Variants in ACOT4 observed in about 807,000 individuals in gnomAD.
ACOT4 encodes peroxisomal succinyl-coenzyme A thioesterase.
Under a neutral mutation model 17.1 loss-of-function variants are expected in ACOT4, and 18 were observed. That is an observed-to-expected ratio of 1.05 (90% confidence interval 0.73 to 1.56). The LOEUF (loss-of-function observed/expected upper bound fraction) is 1.56, where lower values mean the gene tolerates loss of function less well. ACOT4 is among the 40% of genes most tolerant of loss of function. The pLI is 0.00. For synonymous variants in ACOT4, 234 were observed against 236.6 expected (o/e 0.99, Z 0.10); for missense variants, 574 against 557.2 (o/e 1.03, Z -0.30).
At position 73,592,144 on chromosome 14, in the gene ACOT4, T is replaced by G; in HGVS notation, c.185T>G (p.Leu62Arg). The change falls in exon 1 of 3, where the codon CTG becomes CGG. Residue 62 changes from leucine (L) to arginine (R), a missense_variant. By Grantham distance (102) the Leu-to-Arg change is moderately radical (BLOSUM62 -2). Transcript: ENST00000326303. The part of the protein sequence containing the change: ...YCADARGELD[L>R]ERAPALGGSF... ...GCCGACGCCCGCGGCGAGCTGGACC[T>G]GGAGCGCGCACCCGCGCTGGGCGGC... The G allele has an allele frequency of 6.3e-7, 1 of 1,592,096 alleles. No individual in the cohort carries two copies. The highest frequency in any genetic ancestry group is 1.1e-5 in the South Asian group (1 of 88,198).
rs771558009 is a variant in ACOT4, at chr14:73,592,153, C to T, written c.194C>T (p.Ala65Val). ...DARGELDLER[A>V]PALGGSFAGL... ...CGCGGCGAGCTGGACCTGGAGCGCGCACCCGCGCTGGGCGGCAGCTTCGCG... is the reference window on the plus strand; with the variant it reads ...CGCGGCGAGCTGGACCTGGAGCGCGTACCCGCGCTGGGCGGCAGCTTCGCG... Residue 65 changes from alanine to valine, a missense_variant, in exon 1 of 3, where the codon GCA becomes GTA. Transcript: ENST00000326303. The T allele has an allele frequency of 1.0e-5, 16 of 1,596,188 alleles. No individual in the cohort carries two copies. Among genetic ancestry groups the T allele is most frequent in the Non-Finnish European group, 1.4e-5 (16 of 1,172,596 alleles).
chr14:73,594,538 G>A (rs34229928), intron 2 of ACOT4, among the ~76,000 whole-genome samples: 14,888 of 152,230 alleles, frequency 0.098, 1,035 homozygotes, highest in Admixed American at 0.16. Flanking sequence ...TGTTTGCCAT[G>A]TGTTCAGCCA....
At position 73,592,399 on chromosome 14, in the gene ACOT4, C is replaced by T; in HGVS notation, c.440C>T (p.Thr147Met). 1 of 1,537,096 alleles carries T rather than the reference C, an allele frequency of 6.5e-7. No individual in the cohort carries two copies. The highest frequency in any genetic ancestry group is 8.7e-7 in the Non-Finnish European group (1 of 1,147,362). ...QSVRAGRVRA[T>M]LFLPPGPGPF... ...GTGCGAGCGGGCCGGGTGCGCGCCACGCTCTTCCTGCCGCCAGGTGAGCCA... is the reference window on the plus strand; with the variant it reads ...GTGCGAGCGGGCCGGGTGCGCGCCATGCTCTTCCTGCCGCCAGGTGAGCCA... Residue 147 changes from threonine (T) to methionine (M), a missense_variant, in exon 1 of 3, where the codon ACG becomes ATG. Physicochemically the swap from Thr to Met is moderately conservative, Grantham distance 81 (BLOSUM62 -1). Transcript: ENST00000326303.
Position 73,595,203 on chromosome 14 carries a change from T to G in ACOT4, c.815T>G (p.Ile272Ser). The change falls in exon 3 of 3, where the codon ATT (isoleucine) becomes AGT (serine). Residue 272 changes from isoleucine (I) to serine (S), a missense_variant. Physicochemically the swap from Ile to Ser is moderately radical, Grantham distance 142. Transcript: ENST00000326303. ...GCCATCAACTATAAGCACAGTAGCA[T>G]TCCACCATTGGGCTATGACCTGAGG... The part of the protein sequence containing the change: ...NTAINYKHSS[I>S]PPLGYDLRRI... 1 of 1,614,226 alleles carries G rather than the reference T, an allele frequency of 6.2e-7. No individual in the cohort carries two copies. Among genetic ancestry groups the G allele is most frequent in the Non-Finnish European group, 8.5e-7 (1 of 1,180,040 alleles).
Position 73,592,110 on chromosome 14 carries a change from C to G in ACOT4, c.151C>G (p.Arg51Gly). The stretch of plus-strand genomic sequence containing the variant: ...GGGCGCGCTCTTCCGGGCCCACGCG[C>G]GCTACTGCGCCGACGCCCGCGGCGA... Reference protein sequence around the residue: ...EKGALFRAHARYCADARGELD... With the variant: ...EKGALFRAHAGYCADARGELD... Residue 51 changes from arginine (R) to glycine (G), a missense_variant, in exon 1 of 3, where the codon CGC becomes GGC. By Grantham distance (125) the Arg-to-Gly change is moderately radical (BLOSUM62 -2). Coordinates refer to ENST00000326303, the MANE Select transcript of ACOT4 (RefSeq NM_152331.4). The G allele has an allele frequency of 6.6e-7, 1 of 1,509,992 alleles. No individual in the cohort carries two copies. Among genetic ancestry groups the G allele is most frequent in the East Asian group, 2.6e-5 (1 of 37,774 alleles). 93.5% of individuals were successfully genotyped at this position (1,509,992 alleles called of 1,614,324 possible). A position where few individuals can be genotyped will look rare whatever the true frequency, so the allele number is the denominator to read the frequency against.
At position 73,595,186 on chromosome 14, in the gene ACOT4, C is replaced by T. The variant is rs773954573; in HGVS notation, c.798C>T (p.Asn266=). 25 of 1,614,214 alleles carry T rather than the reference C, an allele frequency of 1.5e-5. No homozygotes were observed. The South Asian group carries it at 2.5e-4, about 16-fold the overall frequency. The change falls in exon 3 of 3, where the codon AAC becomes AAT. Residue 266 remains asparagine (N), a synonymous_variant. Transcript: ENST00000326303. ...GSGISGNTAI[N]YKHSSIPPLG... is the part of the protein sequence containing the mutation. Reference sequence around the variant, plus strand: ...GGATCAGTGGGAACACAGCCATCAACTATAAGCACAGTAGCATTCCACCAT... The same window carrying T: ...GGATCAGTGGGAACACAGCCATCAATTATAAGCACAGTAGCATTCCACCAT...
chr14:73,594,964 C>A, intron 2 of ACOT4, 85 bp from the exon 3 acceptor site: 3 of 1,519,508 alleles, frequency 2.0e-6, no homozygotes, highest in Non-Finnish European at 2.7e-6. Context: ...CTCCGCCTCG[C>A]AGAGTGTTGG....
Position 73,593,777 on chromosome 14 carries a change from T to C in ACOT4, c.533T>C (p.Leu178Pro), listed in dbSNP as rs1185471692. 3.1e-6 allele frequency: 5 copies of C among 1,614,080 alleles called. No homozygotes were observed. The South Asian group carries it at 3.3e-5, about 11-fold the overall frequency. The change falls in exon 2 of 3, where the codon CTT (leucine) becomes CCT (proline). Residue 178 changes from leucine (L) to proline (P), a missense_variant. Leu to Pro is a moderately conservative substitution (Grantham distance 98, BLOSUM62 -3). Coordinates refer to ENST00000326303, the MANE Select transcript of ACOT4 (RefSeq NM_152331.4). ...CTCTTGGAATATCGAGCCAGCCTCC[T>C]TGCTGGCCATGGCTTTGCCACGTTG... Reference protein sequence around the residue: ...GGLLEYRASLLAGHGFATLAL... With the variant: ...GGLLEYRASLPAGHGFATLAL...
chr14:73,595,698 T>G lies in ACOT4; in HGVS notation c.*44T>G. On this transcript the variant is annotated 3_prime_UTR_variant, in exon 3 of 3. Coordinates refer to ENST00000326303, the MANE Select transcript of ACOT4 (RefSeq NM_152331.4). Reference sequence around the variant, plus strand: ...ACATGAGAGATTCAAGATCAGATTCTAGTGTTCAGTAACCCTATGTGAATC... The same window carrying G: ...ACATGAGAGATTCAAGATCAGATTCGAGTGTTCAGTAACCCTATGTGAATC... 6.6e-7 allele frequency: 1 copy of G among 1,504,500 alleles called. No homozygotes were observed. Among genetic ancestry groups the G allele is most frequent in the Non-Finnish European group, 8.9e-7 (1 of 1,126,596 alleles). 93.2% of individuals were successfully genotyped at this position (1,504,500 alleles called of 1,614,324 possible).
rs764212367 is a variant in ACOT4, at chr14:73,592,185, G to C, written c.226G>C (p.Glu76Gln). ...GCTGGGCGGCAGCTTCGCGGGACTC[G>C]AGCCCATGGGGCTGCTCTGGGCCCT... ...PALGGSFAGL[E>Q]PMGLLWALEP... is the part of the protein sequence containing the mutation. The change falls in exon 1 of 3, where the codon GAG becomes CAG. Residue 76 changes from glutamate (E) to glutamine (Q), a missense_variant. Coordinates refer to ENST00000326303, the MANE Select transcript of ACOT4 (RefSeq NM_152331.4). 34 of 1,607,884 alleles carry C rather than the reference G, an allele frequency of 2.1e-5. 2 individuals carry two copies. The highest frequency in any genetic ancestry group is 1.8e-4 in the African/African-American group (13 of 74,188).
Position 73,593,826 on chromosome 14 carries a change from A to C in ACOT4, c.582A>C (p.Glu194Asp), listed in dbSNP as rs1356791589. The C allele has an allele frequency of 6.2e-7, 1 of 1,614,128 alleles. No homozygotes were observed. The highest frequency in any genetic ancestry group is 8.5e-7 in the Non-Finnish European group (1 of 1,179,984). ...ATLALAYYNF[E>D]DLPNNMDNIS... ...TGGCTCTAGCTTATTATAACTTTGAAGATCTCCCCAATAACATGGACAACA... is the reference window on the plus strand; with the variant it reads ...TGGCTCTAGCTTATTATAACTTTGACGATCTCCCCAATAACATGGACAACA... The change falls in exon 2 of 3, where the codon GAA (glutamate) becomes GAC (aspartate). Residue 194 changes from glutamate to aspartate, a missense_variant. Physicochemically the swap from Glu to Asp is conservative, Grantham distance 45 (BLOSUM62 2). Transcript: ENST00000326303.
In ACOT4 at chr14:73,593,715, C is replaced by G. The variant is rs747178069; in HGVS notation, c.471C>G (p.Phe157Leu). Residue 157 changes from phenylalanine (F) to leucine (L), a missense_variant, in exon 2 of 3, where the codon TTC becomes TTG. Transcript: ENST00000326303. ...TTTGTTCTCTAGGACCTGGACCCTT[C>G]CCAGGGATCATTGACATCTTTGGTA... ...TLFLPPGPGP[F>L]PGIIDIFGIG... 1 of 1,611,674 alleles carries G rather than the reference C, an allele frequency of 6.2e-7. No individual in the cohort carries two copies. The highest frequency in any genetic ancestry group is 1.1e-5 in the South Asian group (1 of 90,900).
intron 1 of ACOT4, 37 bp downstream of exon 1, chr14:73,592,453 T>C: frequency 6.8e-7 from 1 of 1,462,638 alleles, no homozygotes; most frequent in African/African-American, 1.4e-5. Flanking sequence ...TGAGCGTCAG[T>C]GGCCTGAGTC....
rs1205848492 is a variant in ACOT4 at position 73,594,978 on chromosome 14, T to TA, written c.661-70dup. On this transcript the variant is annotated intron_variant, in intron 2 of 2. Coordinates refer to ENST00000326303, the MANE Select transcript of ACOT4 (RefSeq NM_152331.4). ...CCTCCGCCTCGCAGAGTGTTGGGAT[T>TA]ACAGGCATGAGCCACCGCACCCAAT... The TA allele has an allele frequency of 5.7e-6, 9 of 1,565,324 alleles. No individual in the cohort carries two copies. In the African/African-American group the frequency reaches 1.1e-4, roughly 19 times the overall value.
intron 1 of ACOT4, 136 bp downstream of exon 1, chr14:73,592,552 A>G: frequency 9.9e-6 from 11 of 1,114,070 alleles, no homozygotes; most frequent in Non-Finnish European, 1.3e-5. Context: ...TGGCCACTCT[A>G]CCAAAATAGA....
intron 1 of ACOT4, 94 bp downstream of exon 1, chr14:73,592,510 A>C: frequency 7.4e-7 from 1 of 1,347,838 alleles, no homozygotes; most frequent in Non-Finnish European, 9.8e-7. Context: ...GTTTTGGAGC[A>C]AGATCAGAGA....
In ACOT4 at chr14:73,593,497, C is replaced by T. The variant is rs189649368; in HGVS notation, c.458-205C>T. Among the ~76,000 whole-genome samples the T allele has an allele frequency of 5.3e-3, 793 of 150,450 alleles. 10 individuals carry two copies. The highest frequency in any genetic ancestry group is 0.019 in the African/African-American group (764 of 40,984). On this transcript the variant is annotated intron_variant, in intron 1 of 2. Transcript: ENST00000326303. ...AGGACTACAGGCATACACCACCACA[C>T]TGACTAATTAAAAAAAAAAAAAGAT...
rs139903966 is a variant in ACOT4, at chr14:73,592,240, T to C, written c.281T>C (p.Leu94Pro). Reference sequence around the variant, plus strand: ...CCCGAGAAGCCTTTTTGGCGCTTCCTGAAGCGGGACGTACAGATTCCTTTT... The same window carrying C: ...CCCGAGAAGCCTTTTTGGCGCTTCCCGAAGCGGGACGTACAGATTCCTTTT... ...LEPEKPFWRF[L>P]KRDVQIPFVV... is the part of the protein sequence containing the mutation. The change falls in exon 1 of 3, where the codon CTG becomes CCG. Residue 94 changes from leucine to proline, a missense_variant. Physicochemically the swap from Leu to Pro is moderately conservative, Grantham distance 98. Transcript: ENST00000326303. The C allele has an allele frequency of 6.2e-7, 1 of 1,613,278 alleles. No homozygotes were observed. The highest frequency in any genetic ancestry group is 8.5e-7 in the Non-Finnish European group (1 of 1,179,526).
Position 73,592,185 on chromosome 14 carries a change from G to T in ACOT4, c.226G>T (p.Glu76Ter). 6.2e-7 allele frequency: 1 copy of T among 1,607,884 alleles called. No homozygotes were observed. The change falls in exon 1 of 3, where the codon GAG (glutamate) becomes TAG (stop). Residue 76 changes from glutamate (E) to a stop codon, truncating the protein, a stop_gained. Transcript: ENST00000326303. LOFTEE classifies it high-confidence loss of function. The part of the protein sequence containing the change: ...PALGGSFAGL[E>*]PMGLLWALEP... ...GCTGGGCGGCAGCTTCGCGGGACTC[G>T]AGCCCATGGGGCTGCTCTGGGCCCT...
Sources: gnomAD v4.1 joint callset for allele counts (sites outside exome capture counted in the v4.1 genomes callset) on GRCh38, gnomAD v4.1.1 for gene constraint, MANE v1.5 for transcripts, NCBI Gene and HGNC (gene_info 2026-07-23, HGNC 2026-07-21) for gene names.